The following PCDH9 variants were observed in gnomAD, a reference collection of about 807,000 sequenced individuals.
PCDH9 encodes protocadherin-9.
PCDH9 carries 24 observed loss-of-function variants against 70.6 expected under a neutral mutation model. The observed-to-expected ratio is 0.34, with a 90% CI of 0.25 to 0.48. The LOEUF (loss-of-function observed/expected upper bound fraction) is 0.48. Ranked by LOEUF, PCDH9 falls within the 20% of genes least tolerant of loss-of-function variation. The probability of loss-of-function intolerance (pLI) is 0.99; values close to 1 mark genes in which losing one functional copy is unlikely to be tolerated. For synonymous variants in PCDH9, 562 were observed against 558.5 expected (o/e 1.01, Z -0.09); for missense variants, 1,281 against 1,503.6 (o/e 0.85, Z 2.45).
At chr13:66,723,649 C>CA (rs2078970049) in intron 3 of PCDH9, among the ~76,000 whole-genome samples, 1 of 151,814 alleles carries the variant, frequency 6.6e-6, no homozygotes, top group Non-Finnish European at 1.5e-5. Flanking sequence ...CAGAAGAAGA[C>CA]AAAGAGGACA....
chr13:67,150,892 A>G (rs1271131479), intron 2 of PCDH9, among the ~76,000 whole-genome samples: 1 of 152,138 alleles, frequency 6.6e-6, no homozygotes, highest in Non-Finnish European at 1.5e-5. Context: ...TACATATACA[A>G]CAAGATTAGC....
intron 2 of PCDH9, among the ~76,000 whole-genome samples, chr13:67,153,438 G>A (rs186014260): frequency 2.2e-4 from 33 of 152,094 alleles, no homozygotes; most frequent in Admixed American, 9.8e-4. Context: ...CCAAGCGTGG[G>A]GATTATAGGA....
chr13:66,733,696 A>T (rs2079106581), intron 3 of PCDH9, among the ~76,000 whole-genome samples: 1 of 149,470 alleles, frequency 6.7e-6, no homozygotes, highest in Non-Finnish European at 1.5e-5. Flanking sequence ...TTTTTACGAC[A>T]TTAACACTTT....
chr13:66,572,665 A>G (rs537265184), intron 4 of PCDH9, among the ~76,000 whole-genome samples: 65 of 152,320 alleles, frequency 4.3e-4, no homozygotes, highest in African/African-American at 1.5e-3. Flanking sequence ...TGGTGCTGCA[A>G]TAAACATGGG....
intron 3 of PCDH9, among the ~76,000 whole-genome samples, chr13:66,870,750 G>C (rs191219678): frequency 0.028 from 4,316 of 152,214 alleles, 195 homozygotes; most frequent in African/African-American, 0.098. Flanking sequence ...AGGTGCTGGA[G>C]AGGATGTGGA....
intron 3 of PCDH9, among the ~76,000 whole-genome samples, chr13:66,834,629 A>G (rs1389212938): frequency 1.3e-5 from 2 of 152,244 alleles, no homozygotes; most frequent in African/African-American, 2.4e-5. Flanking sequence ...ATATGTAGCT[A>G]TTTAACACTA....
rs552124098 is a variant in PCDH9 at position 67,102,740 on chromosome 13, A to G, written c.3036+122665T>C. 7.2e-5 allele frequency among the ~76,000 whole-genome samples: 11 copies of G among 152,324 alleles called. No individual in the cohort carries two copies. In the South Asian group the frequency reaches 1.0e-3, roughly 14 times the overall value. On this transcript the variant is annotated intron_variant, in intron 2 of 4. Transcript: ENST00000377865. ...AAGGATTAGACCTGAACTGCTGGATATAAAACATCTTATAAATCTACTGTA... is the reference window on the plus strand; with the variant it reads ...AAGGATTAGACCTGAACTGCTGGATGTAAAACATCTTATAAATCTACTGTA...
At chr13:67,160,408 G>C (rs964917301) in intron 2 of PCDH9, among the ~76,000 whole-genome samples, 1 of 151,992 alleles carries the variant, frequency 6.6e-6, no homozygotes, top group East Asian at 1.9e-4. Flanking sequence ...TTAGCCGGGC[G>C]TGGTGGCGGG....
chr13:66,879,597 T>C (rs903623493), intron 3 of PCDH9, among the ~76,000 whole-genome samples: 10 of 152,158 alleles, frequency 6.6e-5, no homozygotes, highest in Admixed American at 6.5e-4. Flanking sequence ...CAATTTAGGA[T>C]TAATTATGTA....
At chr13:66,534,192 A>G (rs1363076665) in intron 4 of PCDH9, among the ~76,000 whole-genome samples, 2 of 151,988 alleles carry the variant, frequency 1.3e-5, no homozygotes, top group Non-Finnish European at 2.9e-5. Context: ...AAAAGTCAGG[A>G]AATTTTTTTG....
chr13:67,059,131 C>A (rs1044972365), intron 2 of PCDH9, among the ~76,000 whole-genome samples: 1 of 151,718 alleles, frequency 6.6e-6, no homozygotes, highest in Non-Finnish European at 1.5e-5. Context: ...TTCTTTCTCC[C>A]TTTATCTAAA....
At chr13:67,069,708 G>T (rs2085721927) in intron 2 of PCDH9, among the ~76,000 whole-genome samples, 1 of 152,030 alleles carries the variant, frequency 6.6e-6, no homozygotes, top group South Asian at 2.1e-4. Context: ...TTATGGTAAA[G>T]AAATCATTAT....
At chr13:66,357,323 T>C (rs1956400494) in intron 4 of PCDH9, among the ~76,000 whole-genome samples, 1 of 151,952 alleles carries the variant, frequency 6.6e-6, no homozygotes, top group African/African-American at 2.4e-5. Flanking sequence ...TTTAAATCAG[T>C]ACATGGTTGA....
At chr13:66,424,597 G>T (rs1253285680) in intron 4 of PCDH9, among the ~76,000 whole-genome samples, 1 of 151,902 alleles carries the variant, frequency 6.6e-6, no homozygotes, top group African/African-American at 2.4e-5. Context: ...TGACAACACT[G>T]CATATTTCCT....
intron 2 of PCDH9, among the ~76,000 whole-genome samples, chr13:67,115,349 C>T (rs2086738956): frequency 6.6e-6 from 1 of 152,158 alleles, no homozygotes; most frequent in Non-Finnish European, 1.5e-5. Flanking sequence ...TTTGGGCTTC[C>T]TGATACAGGG....
intron 4 of PCDH9, among the ~76,000 whole-genome samples, chr13:66,614,844 C>T (rs574463104): frequency 1.1e-4 from 16 of 152,276 alleles, no homozygotes; most frequent in African/African-American, 2.6e-4. Context: ...TATAACCTGA[C>T]GCGTCCACCC....
chr13:66,342,951 G>C (rs1956157189), intron 4 of PCDH9, among the ~76,000 whole-genome samples: 1 of 151,890 alleles, frequency 6.6e-6, no homozygotes, highest in African/African-American at 2.4e-5. Context: ...CAGCCCCAGA[G>C]TCCTTTTCAT....
intron 3 of PCDH9, among the ~76,000 whole-genome samples, chr13:66,887,419 A>AT (rs1038532544): frequency 1.7e-4 from 26 of 152,012 alleles, no homozygotes; most frequent in African/African-American, 3.4e-4. Flanking sequence ...TACAGCAGAG[A>AT]TTTTTTTTAA....
At chr13:66,571,904 T>C (rs2076738329) in intron 4 of PCDH9, among the ~76,000 whole-genome samples, 2 of 152,138 alleles carry the variant, frequency 1.3e-5, no homozygotes, top group Admixed American at 6.6e-5. Context: ...AATGTTTGAT[T>C]ACATATAAAA....
Sources: allele counts gnomAD v4.1 joint callset (sites outside exome capture counted in the v4.1 genomes callset), GRCh38; gene constraint gnomAD v4.1.1; transcripts MANE v1.5; gene names NCBI Gene and HGNC (gene_info 2026-07-23, HGNC 2026-07-21).